The following CPEB2 variants were observed in gnomAD, a reference collection of about 807,000 sequenced individuals.
The protein encoded by CPEB2 is cytoplasmic polyadenylation element binding protein 2, also known as cytoplasmic polyadenylation element-binding protein 2.
In CPEB2, 56 loss-of-function variants were observed where a neutral mutation model predicts 93.6. The observed-to-expected ratio is 0.60, with a 90% CI of 0.48 to 0.75. The LOEUF (loss-of-function observed/expected upper bound fraction) is 0.75. Ranked by LOEUF, CPEB2 falls within the 30% of genes least tolerant of loss-of-function variation. The pLI is 0.00. For missense variants in CPEB2, 1,579 were observed against 1,395.1 expected (o/e 1.13, Z -2.10); for synonymous variants, 764 against 586.3 (o/e 1.30, Z -4.38).
intron 6 of CPEB2, among the ~76,000 whole-genome samples, chr4:15,042,126 T>G (rs1727243078): frequency 6.6e-6 from 1 of 152,218 alleles, no homozygotes; most frequent in South Asian, 2.1e-4. Context: ...TCTGTGATTT[T>G]TAGGCATTTT....
intron 3 of CPEB2, among the ~76,000 whole-genome samples, chr4:15,009,189 C>T (rs964459060): frequency 1.3e-5 from 2 of 152,178 alleles, no homozygotes; most frequent in African/African-American, 4.8e-5. Context: ...TGAGCATAGA[C>T]TTAACGTTGT....
chr4:15,045,787 AG>A (rs1727615646), intron 6 of CPEB2, among the ~76,000 whole-genome samples: 1 of 152,194 alleles, frequency 6.6e-6, no homozygotes, highest in African/African-American at 2.4e-5. Context: ...TAAGAGCCTT[AG>A]GAATAACCAT....
At chr4:15,049,820 C>T (rs1728053221) in intron 6 of CPEB2, among the ~76,000 whole-genome samples, 1 of 152,152 alleles carries the variant, frequency 6.6e-6, no homozygotes. Flanking sequence ...TCATCTTTCT[C>T]TCTGTTGTTG....
At chr4:15,048,970 T>C (rs1365483323) in intron 6 of CPEB2, among the ~76,000 whole-genome samples, 1 of 152,084 alleles carries the variant, frequency 6.6e-6, no homozygotes, top group Non-Finnish European at 1.5e-5. Context: ...TTCAGTTAAC[T>C]CTTCTTTTAA....
rs566162810 is a variant in CPEB2 at position 15,040,278 on chromosome 4, A to G, written c.2177-186A>G. On this transcript the variant is annotated intron_variant, in intron 5 of 11. Coordinates refer to ENST00000538197, the MANE Select transcript of CPEB2 (RefSeq NM_001177382.2). ...TGATTCAGATGATATATATTTACCT[A>G]TAAATAAAAGTCCTTTGTAGAATGG... Among the ~76,000 whole-genome samples the G allele has an allele frequency of 5.3e-5, 8 of 152,312 alleles. No homozygotes were observed. The East Asian group carries it at 9.6e-4, about 18-fold the overall frequency.
Position 15,003,958 on chromosome 4 carries a change from G to T in CPEB2, c.1285G>T (p.Gly429Cys), listed in dbSNP as rs747905129. 2.3e-6 allele frequency: 3 copies of T among 1,313,122 alleles called. No individual in the cohort carries two copies. The highest frequency in any genetic ancestry group is 2.0e-5 in the South Asian group (1 of 50,458). The allele number at this position is 1,313,122 out of a possible 1,614,324, so 81.3% of individuals were successfully genotyped here. ...PPGSSATTPG[G>C]GSGGSLSAMP... ...CGGCTCGTCTGCCACCACCCCGGGC[G>T]GCGGCAGCGGCGGCTCGCTCAGCGC... is the stretch of plus-strand genomic sequence containing the variant. The change falls in exon 1 of 12, where the codon GGC (glycine) becomes TGC (cysteine). Residue 429 changes from glycine to cysteine, a missense_variant. Gly to Cys is a radical substitution (Grantham distance 159, BLOSUM62 -3). Around this residue, in one of 2 missense-constraint regions of CPEB2, gnomAD observed 1,411 missense variants for 1,056.0 expected, o/e 1.34. Transcript: ENST00000538197.
At chr4:15,021,086 G>A (rs1724750946) in intron 4 of CPEB2, among the ~76,000 whole-genome samples, 1 of 152,150 alleles carries the variant, frequency 6.6e-6, no homozygotes, top group African/African-American at 2.4e-5. Flanking sequence ...AGGGCTGCCT[G>A]ATGCCGACTG....
At chr4:15,060,257 G>A (rs1368192644) in intron 10 of CPEB2, among the ~76,000 whole-genome samples, 1 of 152,164 alleles carries the variant, frequency 6.6e-6, no homozygotes. Flanking sequence ...AATCATACAA[G>A]TCTAATAGAC....
intron 4 of CPEB2, among the ~76,000 whole-genome samples, chr4:15,021,673 A>G (rs1724833324): frequency 6.6e-6 from 1 of 152,180 alleles, no homozygotes; most frequent in Admixed American, 6.6e-5. Context: ...AGTAAGTCGT[A>G]ATGCCTTTAC....
chr4:15,017,694 C>T (rs1724328643), intron 4 of CPEB2: 1 of 152,048 alleles, frequency 6.6e-6, no homozygotes, highest in East Asian at 1.9e-4. Flanking sequence ...CTTCTACTGT[C>T]ATAGGGTTTT....
intron 4 of CPEB2, among the ~76,000 whole-genome samples, chr4:15,019,430 C>T (rs185179575): frequency 1.1e-3 from 160 of 151,528 alleles, no homozygotes; most frequent in African/African-American, 3.7e-3. Flanking sequence ...TGGGCTAGAC[C>T]TCAGTAGAAT....
At chr4:15,032,804 T>G (rs1398775391) in intron 4 of CPEB2, among the ~76,000 whole-genome samples, 1 of 152,108 alleles carries the variant, frequency 6.6e-6, no homozygotes, top group Non-Finnish European at 1.5e-5. Context: ...TACAAACAAC[T>G]TTGAAAAAAT....
At chr4:15,034,557 C>T (rs921465807) in intron 5 of CPEB2, among the ~76,000 whole-genome samples, 1 of 152,098 alleles carries the variant, frequency 6.6e-6, no homozygotes, top group African/African-American at 2.4e-5. Flanking sequence ...AATGCATACT[C>T]AGTACAGGAA....
intron 4 of CPEB2, among the ~76,000 whole-genome samples, chr4:15,024,252 A>G (rs1020752413): frequency 6.6e-6 from 1 of 151,786 alleles, no homozygotes; most frequent in Non-Finnish European, 1.5e-5. Flanking sequence ...CCTAATCCCC[A>G]TGTCCTTTCT....
chr4:15,050,624 GT>G (rs905237971), intron 6 of CPEB2, among the ~76,000 whole-genome samples: 5 of 152,086 alleles, frequency 3.3e-5, no homozygotes, highest in African/African-American at 1.2e-4. Context: ...AAAAACAACT[GT>G]TTATTAAAAG....
At chr4:15,016,631 A>T (rs1724179155) in intron 3 of CPEB2, among the ~76,000 whole-genome samples, 1 of 151,982 alleles carries the variant, frequency 6.6e-6, no homozygotes, top group African/African-American at 2.4e-5. Flanking sequence ...TCTAGGCATT[A>T]GTCCCTGTTC....
In CPEB2 at chr4:15,031,273, T is replaced by G. The variant is rs146926342; in HGVS notation, c.2126-1888T>G. ...TACAGGTTGCCATTTTGTAGGAGTTTGTTTTTTTTTTTTAAATCTTAAGTC... is the reference window on the plus strand; with the variant it reads ...TACAGGTTGCCATTTTGTAGGAGTTGGTTTTTTTTTTTTAAATCTTAAGTC... On this transcript the variant is annotated intron_variant, in intron 4 of 11. Coordinates refer to ENST00000538197, the MANE Select transcript of CPEB2 (RefSeq NM_001177382.2). Among the ~76,000 whole-genome samples, 128 of 152,064 alleles carry G rather than the reference T, an allele frequency of 8.4e-4. 1 individual carries two copies. Among genetic ancestry groups the G allele is most frequent in the Non-Finnish European group, 1.5e-3 (99 of 67,952 alleles).
In CPEB2 at chr4:15,052,400, G is replaced by A; in HGVS notation, c.2201-14G>A. 7.0e-7 allele frequency: 1 copy of A among 1,424,004 alleles called. No homozygotes were observed. The highest frequency in any genetic ancestry group is 9.3e-7 in the Non-Finnish European group (1 of 1,072,862). The allele number at this position is 1,424,004 out of a possible 1,614,324, so 88.2% of individuals were successfully genotyped here. On this transcript the variant is annotated splice_polypyrimidine_tract_variant and intron_variant, in intron 6 of 11. Coordinates refer to ENST00000538197, the MANE Select transcript of CPEB2 (RefSeq NM_001177382.2). ...CAGATCTGAGATTCAAGTTGTATTT[G>A]TTCTTTATTCTAGGTCGTTCTTCCC...
At chr4:15,045,847 T>C (rs1194081461) in intron 6 of CPEB2, among the ~76,000 whole-genome samples, 2 of 152,194 alleles carry the variant, frequency 1.3e-5, no homozygotes, top group Non-Finnish European at 2.9e-5. Context: ...GTAATTACTT[T>C]TAAATATTTA....
Sources: gnomAD v4.1 joint callset for allele counts (sites outside exome capture counted in the v4.1 genomes callset) on GRCh38, gnomAD v4.1.1 for gene constraint, gnomAD v4.1.1 regional missense constraint, MANE v1.5 for transcripts, NCBI Gene and HGNC (gene_info 2026-07-23, HGNC 2026-07-21) for gene names.